Variants in NALF2 observed in about 807,000 individuals in gnomAD.
NALF2 encodes the protein NALCN channel auxiliary factor 2.
NALF2 carries 1 observed loss-of-function variant against 24.8 expected under a neutral mutation model. That is an observed-to-expected ratio of 0.04 (90% CI 0.01 to 0.19). The LOEUF is 0.19. NALF2 is among the 10% of genes least tolerant of loss of function. The pLI, the probability that NALF2 is intolerant of heterozygous loss-of-function variation, is 1.00. For missense variants in NALF2, 458 were observed against 409.6 expected (o/e 1.12, Z -1.02); for synonymous variants, 254 against 189.8 (o/e 1.34, Z -2.78).
In NALF2 at chrX:69,531,798, A is replaced by T. The variant is rs968421402; in HGVS notation, c.*1842A>T. On this transcript the variant is annotated 3_prime_UTR_variant, in exon 3 of 3. Coordinates refer to ENST00000252338, the MANE Select transcript of NALF2 (RefSeq NM_015686.3). Reference sequence around the variant, plus strand: ...GCCTACACACTCCCGTTTGGCCCTCAGCACTTTGGGCCTGGTCACATACCC... The same window carrying T: ...GCCTACACACTCCCGTTTGGCCCTCTGCACTTTGGGCCTGGTCACATACCC... 1 of 111,630 alleles carries T rather than the reference A, an allele frequency of 9.0e-6. No individual in the cohort carries two copies. Among genetic ancestry groups the T allele is most frequent in the Admixed American group, 9.5e-5 (1 of 10,547 alleles). The allele number at this position is 111,630 out of a possible 1,213,427, so 9.2% of individuals were successfully genotyped here.
At chrX:69,506,356 C>A (rs145113019) in intron 1 of NALF2, among the ~76,000 whole-genome samples, 237 of 112,886 alleles carry the variant, frequency 2.1e-3, no homozygotes, top group African/African-American at 7.2e-3. Flanking sequence ...TCTATTAATT[C>A]CGGGTTTGGG....
chrX:69,523,074 C>T (rs1267953900), intron 1 of NALF2, among the ~76,000 whole-genome samples: 3 of 112,566 alleles, frequency 2.7e-5, no homozygotes, highest in Non-Finnish European at 3.8e-5. Context: ...GCAGCTCCAG[C>T]TGCTGGCCAA....
At position 69,531,392 on chromosome X, in the gene NALF2, C is replaced by G. The variant is rs776838131; in HGVS notation, c.*1436C>G. ...CCCCTTGGGAGCCATTAGCCTTGCT[C>G]TGGTCTGCTGTGTGGGGTTGGGGAG... On this transcript the variant is annotated 3_prime_UTR_variant, in exon 3 of 3. Coordinates refer to ENST00000252338, the MANE Select transcript of NALF2 (RefSeq NM_015686.3). 8.9e-6 allele frequency: 1 copy of G among 112,560 alleles called. No individual in the cohort carries two copies. Among genetic ancestry groups the G allele is most frequent in the East Asian group, 2.8e-4 (1 of 3,565 alleles). 9.3% of individuals were successfully genotyped at this position (112,560 alleles called of 1,213,427 possible).
In NALF2 at chrX:69,529,641, G is replaced by A. The variant is rs370982783; in HGVS notation, c.1104G>A (p.Ala368=). The change falls in exon 3 of 3, where the codon GCG becomes GCA. Residue 368 remains alanine, a synonymous_variant. Transcript: ENST00000252338. ...ACGTGCAGTGGGTCTCCTGTGAGGC[G>A]AAGAAGAAGAAGTTCAAGGAGTCTG... ...CCDVQWVSCE[A]KKKKFKESEA... 1.9e-4 allele frequency: 231 copies of A among 1,207,009 alleles called. No homozygotes were observed. Among genetic ancestry groups the A allele is most frequent in the Non-Finnish European group, 2.3e-4 (206 of 893,485 alleles).
At position 69,531,490 on chromosome X, in the gene NALF2, A is replaced by G. The variant is rs2147719867; in HGVS notation, c.*1534A>G. On this transcript the variant is annotated 3_prime_UTR_variant, in exon 3 of 3. Transcript: ENST00000252338. ...GGACAGGAAAGGGAGCCAGAGCTGTATACCTGGGACAGGCCAGGGAGCCTT... is the reference window on the plus strand; with the variant it reads ...GGACAGGAAAGGGAGCCAGAGCTGTGTACCTGGGACAGGCCAGGGAGCCTT... 1 of 112,104 alleles carries G rather than the reference A, an allele frequency of 8.9e-6. No homozygotes were observed. Among genetic ancestry groups the G allele is most frequent in the African/African-American group, 3.2e-5 (1 of 30,823 alleles). 9.2% of individuals were successfully genotyped at this position (112,104 alleles called of 1,213,427 possible).
intron 1 of NALF2, among the ~76,000 whole-genome samples, chrX:69,518,305 T>G (rs1164782004): frequency 8.9e-6 from 1 of 111,872 alleles, no homozygotes; most frequent in Non-Finnish European, 1.9e-5. Context: ...GATTTTGTTT[T>G]GTTGTTTTCG....
chrX:69,528,927 C>A, intron 1 of NALF2, 66 bp from the exon 2 acceptor site: 1 of 1,100,447 alleles, frequency 9.1e-7, no homozygotes, highest in South Asian at 2.3e-5. Context: ...GTAAGTCCTC[C>A]CATCCCTCTC....
intron 1 of NALF2, among the ~76,000 whole-genome samples, chrX:69,527,026 C>T (rs747591648): frequency 9.0e-5 from 10 of 111,563 alleles, no homozygotes; most frequent in Non-Finnish European, 1.9e-4. Flanking sequence ...AGCAAGGGTG[C>T]AGGTGGAGAG....
chrX:69,526,576 C>T (rs927574374), intron 1 of NALF2, among the ~76,000 whole-genome samples: 1 of 112,126 alleles, frequency 8.9e-6, no homozygotes, highest in Non-Finnish European at 1.9e-5. Context: ...GTGCAACTCA[C>T]ATTTTAGTGG....
Position 69,505,388 on chromosome X carries a change from G to C in NALF2, c.106G>C (p.Asp36His). The change falls in exon 1 of 3, where the codon GAC (aspartate) becomes CAC (histidine). Residue 36 changes from aspartate to histidine, a missense_variant. Physicochemically the swap from Asp to His is moderately conservative, Grantham distance 81 (BLOSUM62 -1). Coordinates refer to ENST00000252338, the MANE Select transcript of NALF2 (RefSeq NM_015686.3). Reference sequence around the variant, plus strand: ...CAGGCCGAGCGACAAACCTTGCGCCGACTCCGAGCGGGCGCAGCGATGGCG... The same window carrying C: ...CAGGCCGAGCGACAAACCTTGCGCCCACTCCGAGCGGGCGCAGCGATGGCG... ...APRPSDKPCA[D>H]SERAQRWRLS... is the part of the protein sequence containing the mutation. 5.2e-6 allele frequency: 6 copies of C among 1,159,089 alleles called. No homozygotes were observed. Among genetic ancestry groups the C allele is most frequent in the Non-Finnish European group, 3.4e-6 (3 of 869,649 alleles).
At chrX:69,526,456 T>C (rs932955533) in intron 1 of NALF2, among the ~76,000 whole-genome samples, 1 of 112,181 alleles carries the variant, frequency 8.9e-6, no homozygotes, top group Non-Finnish European at 1.9e-5. Context: ...TTCATGAGCG[T>C]AGGGACATGT....
chrX:69,530,188 A>G lies in NALF2; in HGVS notation c.*232A>G, dbSNP rs1930882453. The stretch of plus-strand genomic sequence containing the variant: ...TCCAGGAGAAAAAGGCAGGAGCAGC[A>G]AGTGACCCCTCCCAAGCTCCCATCT... On this transcript the variant is annotated 3_prime_UTR_variant, in exon 3 of 3. Coordinates refer to ENST00000252338, the MANE Select transcript of NALF2 (RefSeq NM_015686.3). 1.9e-5 allele frequency: 7 copies of G among 363,531 alleles called. No individual in the cohort carries two copies. The highest frequency in any genetic ancestry group is 3.3e-5 in the Non-Finnish European group (7 of 211,857). 30.0% of individuals were successfully genotyped at this position (363,531 alleles called of 1,213,427 possible).
chrX:69,524,163 T>C (rs1930773430), intron 1 of NALF2, among the ~76,000 whole-genome samples: 1 of 106,226 alleles, frequency 9.4e-6, no homozygotes, highest in Non-Finnish European at 1.9e-5. Flanking sequence ...AATGGTGTGA[T>C]CTCAGCTCAC....
In NALF2 at chrX:69,505,652, G is replaced by A. The variant is rs1569256900; in HGVS notation, c.370G>A (p.Ala124Thr). 10 of 1,199,463 alleles carry A rather than the reference G, an allele frequency of 8.3e-6. No homozygotes were observed. The highest frequency in any genetic ancestry group is 1.1e-5 in the Non-Finnish European group (10 of 892,408). ...CGPRYSNLTKAAPAAGSRPVC... is the reference protein window; with the variant it reads ...CGPRYSNLTKTAPAAGSRPVC... ...CCCCAGATACAGCAACCTGACCAAA[G>A]CCGCCCCCGCCGCCGGCTCTCGGCC... Residue 124 changes from alanine to threonine, a missense_variant, in exon 1 of 3, where the codon GCC (alanine) becomes ACC (threonine). Physicochemically the swap from Ala to Thr is moderately conservative, Grantham distance 58 (BLOSUM62 0). Coordinates refer to ENST00000252338, the MANE Select transcript of NALF2 (RefSeq NM_015686.3).
intron 1 of NALF2, among the ~76,000 whole-genome samples, chrX:69,516,820 T>G (rs1198167255): frequency 1.8e-5 from 2 of 111,224 alleles, no homozygotes; most frequent in African/African-American, 6.6e-5. Flanking sequence ...GTGTGTGTGT[T>G]GAGGAGAGAG....
In NALF2 at chrX:69,505,604, A is replaced by C; in HGVS notation, c.322A>C (p.Ser108Arg). The change falls in exon 1 of 3, where the codon AGC becomes CGC. Residue 108 changes from serine to arginine, a missense_variant. Ser to Arg is a moderately radical substitution (Grantham distance 110, BLOSUM62 -1). Transcript: ENST00000252338. ...PLPPPPPGEPSAPPGTCGPRY... is the reference protein window; with the variant it reads ...PLPPPPPGEPRAPPGTCGPRY... Reference sequence around the variant, plus strand: ...GCCGCCGCCGCCGCCCGGCGAGCCCAGCGCGCCCCCAGGCACCTGCGGCCC... The same window carrying C: ...GCCGCCGCCGCCGCCCGGCGAGCCCCGCGCGCCCCCAGGCACCTGCGGCCC... 9.2e-7 allele frequency: 1 copy of C among 1,091,374 alleles called. No homozygotes were observed. The highest frequency in any genetic ancestry group is 1.2e-6 in the Non-Finnish European group (1 of 849,549). 89.9% of individuals were successfully genotyped at this position (1,091,374 alleles called of 1,213,427 possible).
chrX:69,524,331 A>G (rs1418239026), intron 1 of NALF2, among the ~76,000 whole-genome samples: 3 of 110,410 alleles, frequency 2.7e-5, no homozygotes, highest in Non-Finnish European at 1.9e-5. Context: ...GACTCAAGCA[A>G]TCCACCAGCT....
chrX:69,510,385 C>T (rs1930564237), intron 1 of NALF2, among the ~76,000 whole-genome samples: 1 of 112,306 alleles, frequency 8.9e-6, no homozygotes, highest in Non-Finnish European at 1.9e-5. Context: ...TTCTGCCTCA[C>T]TGCCTTCCTC....
At chrX:69,515,875 G>A (rs1930654230) in intron 1 of NALF2, among the ~76,000 whole-genome samples, 1 of 111,953 alleles carries the variant, frequency 8.9e-6, no homozygotes, top group Non-Finnish European at 1.9e-5. Flanking sequence ...TCTTCCTTAT[G>A]AAGTACATGA....
Sources: gnomAD v4.1 joint callset for allele counts (sites outside exome capture counted in the v4.1 genomes callset) on GRCh38, gnomAD v4.1.1 for gene constraint, MANE v1.5 for transcripts, NCBI Gene and HGNC (gene_info 2026-07-23, HGNC 2026-07-21) for gene names.